CDH12: variants seen among roughly 807,000 people sequenced by gnomAD.
CDH12 encodes the protein cadherin-12.
In CDH12, 41 loss-of-function variants were observed where a neutral mutation model predicts 74.1. The observed-to-expected ratio is 0.55, with a 90% confidence interval of 0.43 to 0.72. The LOEUF is 0.72. Among genes scored for constraint, CDH12 ranks in the 30% least tolerant of loss-of-function variants. The pLI, the probability that CDH12 is intolerant of heterozygous loss-of-function variation, is 0.00. For synonymous variants in CDH12, 399 were observed against 355.0 expected (o/e 1.12, Z -1.39); for missense variants, 945 against 977.2 (o/e 0.97, Z 0.44).
intron 8 of CDH12, among the ~76,000 whole-genome samples, chr5:21,830,344 T>C (rs1242893831): frequency 4.0e-5 from 6 of 149,854 alleles, no homozygotes; most frequent in African/African-American, 4.9e-5. Context: ...GAGGAAAATA[T>C]AAGAGGGACA....
chr5:22,290,850 A>C (rs944686181), intron 3 of CDH12, among the ~76,000 whole-genome samples: 7 of 152,194 alleles, frequency 4.6e-5, no homozygotes, highest in Non-Finnish European at 8.8e-5. Flanking sequence ...TAAGGAAACT[A>C]AAGCGGTAAT....
intron 2 of CDH12, among the ~76,000 whole-genome samples, chr5:22,427,714 T>C (rs1743999092): frequency 6.6e-6 from 1 of 152,076 alleles, no homozygotes; most frequent in African/African-American, 2.4e-5. Context: ...GGTTGCTAGA[T>C]ATCAATCCAT....
intron 2 of CDH12, among the ~76,000 whole-genome samples, chr5:22,412,929 T>C (rs1743222421): frequency 6.6e-6 from 1 of 152,004 alleles, no homozygotes; most frequent in Non-Finnish European, 1.5e-5. Context: ...AATATTAAAA[T>C]AGTTGATGTT....
intron 1 of CDH12, among the ~76,000 whole-genome samples, chr5:22,823,670 CAGG>C (rs1163732685): frequency 6.6e-6 from 1 of 152,058 alleles, no homozygotes; most frequent in African/African-American, 2.4e-5. Context: ...AGGGACCTGG[CAGG>C]AGGTGATTGG....
intron 1 of CDH12, among the ~76,000 whole-genome samples, chr5:22,636,520 T>G (rs948363629): frequency 1.3e-5 from 2 of 152,204 alleles, no homozygotes; most frequent in African/African-American, 4.8e-5. Context: ...TGCCTCAGTA[T>G]AGATGTACAA....
At chr5:21,978,941 C>A (rs1272493504) in intron 5 of CDH12, among the ~76,000 whole-genome samples, 6 of 148,332 alleles carry the variant, frequency 4.0e-5, no homozygotes, top group African/African-American at 1.3e-4. Flanking sequence ...GGGATTCAGG[C>A]TTTGCTTACA....
chr5:22,577,687 G>T (rs1486770559), intron 1 of CDH12, among the ~76,000 whole-genome samples: 1 of 152,108 alleles, frequency 6.6e-6, no homozygotes. Context: ...AGATAATTTA[G>T]GTAAATTAGA....
chr5:22,079,484 A>T (rs1450531559), intron 4 of CDH12, among the ~76,000 whole-genome samples: 1 of 152,238 alleles, frequency 6.6e-6, no homozygotes, highest in East Asian at 1.9e-4. Flanking sequence ...GACGATCTAA[A>T]GAACAAGATA....
At chr5:22,542,208 C>A (rs984198132) in intron 1 of CDH12, among the ~76,000 whole-genome samples, 1 of 152,136 alleles carries the variant, frequency 6.6e-6, no homozygotes, top group Non-Finnish European at 1.5e-5. Context: ...CCTTTCCTAG[C>A]GTTAAGTTCT....
chr5:22,641,799 A>C (rs775101827), intron 1 of CDH12, among the ~76,000 whole-genome samples: 15 of 152,224 alleles, frequency 9.9e-5, no homozygotes, highest in Non-Finnish European at 1.5e-4. Flanking sequence ...TCACACTAAA[A>C]TATAATCCCT....
At position 22,269,513 on chromosome 5, in the gene CDH12, TTC is replaced by T. The variant is rs900371812; in HGVS notation, c.-332-56872_-332-56871del. 1.1e-4 allele frequency among the ~76,000 whole-genome samples: 16 copies of T among 152,324 alleles called. No homozygotes were observed. The South Asian group carries it at 1.2e-3, about 12-fold the overall frequency. ...TCTATATAAGCATGTTGATTTTAAC[TTC>T]TGTTTCATGTAATTTTCTTAAATTA... On this transcript the variant is annotated intron_variant, in intron 3 of 14. Coordinates refer to ENST00000382254, the MANE Select transcript of CDH12 (RefSeq NM_004061.5).
intron 7 of CDH12, among the ~76,000 whole-genome samples, chr5:21,847,631 C>T (rs779254252): frequency 5.3e-5 from 8 of 152,134 alleles, no homozygotes; most frequent in Admixed American, 3.3e-4. Flanking sequence ...TGTGATTACA[C>T]GGAGTCTACC....
intron 6 of CDH12, among the ~76,000 whole-genome samples, chr5:21,872,915 A>ATCTATCTATCTATCTATCTG (rs1488366254): frequency 1.3e-5 from 2 of 151,714 alleles, no homozygotes; most frequent in Non-Finnish European, 2.9e-5. Context: ...CTATCTATCT[A>ATCTATCTATCTATCTATCTG]TCTATCATCT....
intron 1 of CDH12, among the ~76,000 whole-genome samples, chr5:22,661,201 A>T (rs184242307): frequency 0.023 from 3,533 of 152,174 alleles, 117 homozygotes; most frequent in African/African-American, 0.081. Flanking sequence ...TCAACCACAG[A>T]GTCTTCCACC....
intron 1 of CDH12, among the ~76,000 whole-genome samples, chr5:22,757,640 T>G (rs1011392180): frequency 2.0e-5 from 3 of 152,184 alleles, no homozygotes; most frequent in African/African-American, 7.2e-5. Flanking sequence ...TAATCCTTCA[T>G]GTGTCTCCAA....
In CDH12 at chr5:21,802,361, G is replaced by C; in HGVS notation, c.1062C>G (p.His354Gln). Residue 354 changes from histidine (H) to glutamine (Q), a missense_variant, in exon 10 of 15, where the codon CAC (histidine) becomes CAG (glutamine). His to Gln is a conservative substitution (Grantham distance 24, BLOSUM62 0). Transcript: ENST00000382254. ...YTFKVEASNL[H>Q]LDHRFHSAGP... ...CCGCCGAGTGAAACCGGTGGTCAAGGTGAAGGTTGGAAGCCTCAACTTTGA... is the reference window on the plus strand; with the variant it reads ...CCGCCGAGTGAAACCGGTGGTCAAGCTGAAGGTTGGAAGCCTCAACTTTGA... The C allele has an allele frequency of 6.2e-7, 1 of 1,613,796 alleles. No individual in the cohort carries two copies. Among genetic ancestry groups the C allele is most frequent in the Non-Finnish European group, 8.5e-7 (1 of 1,179,878 alleles).
At chr5:22,293,690 G>A (rs940756848) in intron 3 of CDH12, among the ~76,000 whole-genome samples, 1 of 152,102 alleles carries the variant, frequency 6.6e-6, no homozygotes, top group African/African-American at 2.4e-5. Context: ...TGTCATTTGT[G>A]ATGACATGGA....
chr5:21,817,310 TTTCTC>T lies in CDH12; in HGVS notation c.815-183_815-179del, dbSNP rs1748114389. 5.3e-5 allele frequency among the ~76,000 whole-genome samples: 8 copies of T among 152,220 alleles called. No homozygotes were observed. In the South Asian group the frequency reaches 1.5e-3, roughly 28 times the overall value. On this transcript the variant is annotated intron_variant, in intron 8 of 14. Coordinates refer to ENST00000382254, the MANE Select transcript of CDH12 (RefSeq NM_004061.5). ...TATGATTAGGAGTAATAACTTCACTTTTCTCTTCAATATGTGCTGCTCTAGAATTT... is the reference window on the plus strand; with the variant it reads ...TATGATTAGGAGTAATAACTTCACTTTTCAATATGTGCTGCTCTAGAATTT...
At chr5:21,810,280 G>A (rs556511675) in intron 9 of CDH12, among the ~76,000 whole-genome samples, 2 of 152,154 alleles carry the variant, frequency 1.3e-5, no homozygotes, top group South Asian at 2.1e-4. Context: ...TTAGTTGGAG[G>A]AAAATAACGT....
Sources: gnomAD v4.1 joint callset for allele counts (sites outside exome capture counted in the v4.1 genomes callset) on GRCh38, gnomAD v4.1.1 for gene constraint, MANE v1.5 for transcripts, NCBI Gene and HGNC (gene_info 2026-07-23, HGNC 2026-07-21) for gene names.